Variants in CDC42SE1 observed in about 807,000 individuals in gnomAD.
The protein encoded by CDC42SE1 is CDC42 small effector protein 1.
In CDC42SE1, 10 loss-of-function variants were observed where a neutral mutation model predicts 10.9. The observed-to-expected ratio is 0.92, with a 90% confidence interval of 0.57 to 1.56. The LOEUF (loss-of-function observed/expected upper bound fraction) is 1.56, where lower values mean the gene tolerates loss of function less well. Among genes scored for constraint, CDC42SE1 ranks in the 40% most tolerant of loss-of-function variants. The pLI, the probability that CDC42SE1 is intolerant of heterozygous loss-of-function variation, is 0.00. For missense variants in CDC42SE1, 81 were observed against 100.8 expected (o/e 0.80, Z 0.84); for synonymous variants, 24 against 32.0 (o/e 0.75, Z 0.85).
intron 2 of CDC42SE1, 84 bp downstream of exon 2, chr1:151,055,593 G>T: frequency 8.8e-7 from 1 of 1,137,926 alleles, no homozygotes; most frequent in Non-Finnish European, 1.3e-6. Flanking sequence ...TTTTTTAGAT[G>T]GCAGATCCTA....
In CDC42SE1 at chr1:151,055,981, C is replaced by G; in HGVS notation, c.-251G>C. The stretch of plus-strand genomic sequence containing the variant: ...GGCAGGCACAAGGTTATGTCTTCCT[C>G]AGACTCGGAACCCTGGATTAGAAGA... On this transcript the variant is annotated 5_prime_UTR_variant, in exon 2 of 5. Coordinates refer to ENST00000357235, the MANE Select transcript of CDC42SE1 (RefSeq NM_020239.4). 1 of 552,322 alleles carries G rather than the reference C, an allele frequency of 1.8e-6. No homozygotes were observed. The highest frequency in any genetic ancestry group is 3.2e-6 in the Non-Finnish European group (1 of 307,898). The allele number at this position is 552,322 out of a possible 1,614,324, so 34.2% of individuals were successfully genotyped here.
rs12409269 is a variant in CDC42SE1 at position 151,057,035 on chromosome 1, C to A, written c.-263-1042G>T. On this transcript the variant is annotated intron_variant, in intron 1 of 4. Transcript: ENST00000357235. The surrounding 1 kb of genome is among the most constrained non-coding windows in gnomAD (Gnocchi z 4.0). Reference sequence around the variant, plus strand: ...CAAGGAAGAACTTCCTCCCTTCTCACTACTGCCAGCCAGGGTAGGACACAT... The same window carrying A: ...CAAGGAAGAACTTCCTCCCTTCTCAATACTGCCAGCCAGGGTAGGACACAT... 6.6e-6 allele frequency among the ~76,000 whole-genome samples: 1 copy of A among 152,226 alleles called. No individual in the cohort carries two copies. Among genetic ancestry groups the A allele is most frequent in the Admixed American group, 6.5e-5 (1 of 15,278 alleles).
At chr1:151,056,266 G>A (rs752180801) in intron 1 of CDC42SE1, among the ~76,000 whole-genome samples, 6 of 152,324 alleles carry the variant, frequency 3.9e-5, no homozygotes, top group East Asian at 1.9e-4. Context: ...GAGGATGGGC[G>A]AGGACCAAAG....
intron 3 of CDC42SE1, 129 bp downstream of exon 3, chr1:151,054,887 C>T (rs1406444821): frequency 4.5e-6 from 3 of 673,594 alleles, no homozygotes; most frequent in Non-Finnish European, 2.6e-6. Context: ...CAACTGGTGA[C>T]CAGGACTAGA....
rs1676313651 is a variant in CDC42SE1 at position 151,057,798 on chromosome 1, C to T, written c.-264+1681G>A. The stretch of plus-strand genomic sequence containing the variant: ...AGATCACACAAACACTCAAATGTAG[C>T]TTCTAGGGGAGGGGAGAACCCAGGA... On this transcript the variant is annotated intron_variant, in intron 1 of 4. Coordinates refer to ENST00000357235, the MANE Select transcript of CDC42SE1 (RefSeq NM_020239.4). This position sits in a 1 kb window ranked among gnomAD's most constrained non-coding sequence, Gnocchi z 4.0. 1 of 150,888 alleles carries T rather than the reference C, an allele frequency of 6.6e-6. No homozygotes were observed. Among genetic ancestry groups the T allele is most frequent in the South Asian group, 2.1e-4 (1 of 4,798 alleles). The allele number at this position is 150,888 out of a possible 1,614,324, so 9.3% of individuals were successfully genotyped here.
At chr1:151,055,399 AAAT>A in intron 2 of CDC42SE1, 1 of 597,706 alleles carries the variant, frequency 1.7e-6, no homozygotes, top group Non-Finnish European at 3.0e-6. Context: ...ACTGATGATG[AAAT>A]AATGGGGAAA....
At position 151,052,610 on chromosome 1, in the gene CDC42SE1, C is replaced by G. The variant is rs1676203646; in HGVS notation, c.*734G>C. ...CTCTTATTCGGTGGGAAACAAGGTT[C>G]CTAATAGGGATAGAGTTAAGGGCGG... On this transcript the variant is annotated 3_prime_UTR_variant, in exon 5 of 5. Coordinates refer to ENST00000357235, the MANE Select transcript of CDC42SE1 (RefSeq NM_020239.4). 6.6e-6 allele frequency: 1 copy of G among 152,478 alleles called. No individual in the cohort carries two copies. Among genetic ancestry groups the G allele is most frequent in the Non-Finnish European group, 1.5e-5 (1 of 68,026 alleles). 9.4% of individuals were successfully genotyped at this position (152,478 alleles called of 1,614,324 possible). A position where few individuals can be genotyped will look rare whatever the true frequency, so the allele number is the denominator to read the frequency against.
chr1:151,055,050 G>T lies in CDC42SE1; in HGVS notation c.131C>A (p.Ser44Ter). Residue 44 changes from serine to a stop codon, truncating the protein, a stop_gained, in exon 3 of 5, where the codon TCA becomes TAA. Transcript: ENST00000357235. LOFTEE classifies it high-confidence loss of function. Reference protein sequence around the residue: ...MNFVHLTHIGSGEMGAGDGLA... With the variant: ...MNFVHLTHIG ...TCCATCTCCGGCCCCCATCTCCCCT[G>T]AGCCAATGTGAGTCAGGTGAACAAA... The T allele has an allele frequency of 4.3e-6, 7 of 1,613,774 alleles. No homozygotes were observed. The highest frequency in any genetic ancestry group is 5.9e-6 in the Non-Finnish European group (7 of 1,179,940).
chr1:151,054,745 T>C (rs1676247626), intron 3 of CDC42SE1, among the ~76,000 whole-genome samples: 2 of 152,166 alleles, frequency 1.3e-5, no homozygotes, highest in Non-Finnish European at 1.5e-5. Flanking sequence ...GGGAGAGTTA[T>C]AAGTTTTTGG....
At chr1:151,056,615 C>T (rs1029083046) in intron 1 of CDC42SE1, 1 of 89,678 alleles carries the variant, frequency 1.1e-5, no homozygotes, top group African/African-American at 3.9e-5. Context: ...AATCCAATCC[C>T]TCCCAGAAGC....
rs1020199179 is a variant in CDC42SE1 at position 151,053,092 on chromosome 1, G to C, written c.*252C>G. The C allele has an allele frequency of 6.5e-6, 1 of 152,720 alleles. No individual in the cohort carries two copies. Among genetic ancestry groups the C allele is most frequent in the African/African-American group, 2.4e-5 (1 of 41,430 alleles). 9.5% of individuals were successfully genotyped at this position (152,720 alleles called of 1,614,324 possible). On this transcript the variant is annotated 3_prime_UTR_variant, in exon 5 of 5. Transcript: ENST00000357235. ...AGACCTGAGGGTTTCCAGGGCTTCA[G>C]CTGAGCTCCTCTGGCTAACCAGTAG...
At chr1:151,056,476 G>A (rs2102976406) in intron 1 of CDC42SE1, among the ~76,000 whole-genome samples, 1 of 152,290 alleles carries the variant, frequency 6.6e-6, no homozygotes, top group Non-Finnish European at 1.5e-5. Context: ...TTTAAGAACA[G>A]GAGAGCCCTG....
At chr1:151,055,313 A>G in intron 2 of CDC42SE1, 187 bp from the exon 3 acceptor site, 1 of 606,340 alleles carries the variant, frequency 1.6e-6, no homozygotes, top group South Asian at 2.0e-5. Context: ...CACAGAAGAC[A>G]TGAACCAGAG....
At position 151,051,818 on chromosome 1, in the gene CDC42SE1, G is replaced by C. The variant is rs1676188310; in HGVS notation, c.*1526C>G. ...TTAAAATTTGGGGAGGATAAGGAGT[G>C]TATCTACTGCTTCTCTCTCCCCTTT... On this transcript the variant is annotated 3_prime_UTR_variant, in exon 5 of 5. Coordinates refer to ENST00000357235, the MANE Select transcript of CDC42SE1 (RefSeq NM_020239.4). 6.6e-6 allele frequency: 1 copy of C among 152,572 alleles called. No homozygotes were observed. The highest frequency in any genetic ancestry group is 6.6e-5 in the Admixed American group (1 of 15,260). 9.5% of individuals were successfully genotyped at this position (152,572 alleles called of 1,614,324 possible).
chr1:151,056,157 T>TA (rs1046633429), intron 1 of CDC42SE1, among the ~76,000 whole-genome samples, 164 bp from the exon 2 acceptor site: 2 of 151,590 alleles, frequency 1.3e-5, no homozygotes, highest in East Asian at 1.9e-4. Context: ...AGTTTGACTC[T>TA]AAAAAAAAGG....
chr1:151,054,542 T>C (rs74956451), intron 3 of CDC42SE1, among the ~76,000 whole-genome samples: 4,003 of 152,294 alleles, frequency 0.026, 77 homozygotes, highest in Non-Finnish European at 0.041. Context: ...TCCCTCACAA[T>C]GGATTCTCCC....
At chr1:151,053,383 C>T (rs991273565) in intron 4 of CDC42SE1, 56 bp from the exon 5 acceptor site, 4 of 152,288 alleles carry the variant, frequency 2.6e-5, no homozygotes, top group African/African-American at 9.6e-5. Flanking sequence ...AAAACCAAGG[C>T]TTTAGGAAGA....
In CDC42SE1 at chr1:151,055,765, G is replaced by C. The variant is rs1043470403; in HGVS notation, c.-35C>G. 4.4e-6 allele frequency: 7 copies of C among 1,577,052 alleles called. No homozygotes were observed. The highest frequency in any genetic ancestry group is 5.2e-6 in the Non-Finnish European group (6 of 1,149,122). On this transcript the variant is annotated 5_prime_UTR_variant, in exon 2 of 5. Coordinates refer to ENST00000357235, the MANE Select transcript of CDC42SE1 (RefSeq NM_020239.4). Reference sequence around the variant, plus strand: ...TGGTTCCAGCTTCACTCCGCTGTCTGAGGCCCCAAAGGGCTCTTTCCCTGG... The same window carrying C: ...TGGTTCCAGCTTCACTCCGCTGTCTCAGGCCCCAAAGGGCTCTTTCCCTGG...
At position 151,055,031 on chromosome 1, in the gene CDC42SE1, T is replaced by A. The variant is rs781771225; in HGVS notation, c.150A>T (p.Gly50=). 1.7e-5 allele frequency: 27 copies of A among 1,613,206 alleles called. No individual in the cohort carries two copies. Among genetic ancestry groups the A allele is most frequent in the Non-Finnish European group, 1.4e-5 (16 of 1,179,470 alleles). ...TCCTTGTTACCATGGCAAGTCCATC[T>A]CCGGCCCCCATCTCCCCTGAGCCAA... ...THIGSGEMGA[G]DGLAMTGAVQ... Residue 50 remains glycine, a synonymous_variant, in exon 3 of 5, where the codon GGA becomes GGT. Coordinates refer to ENST00000357235, the MANE Select transcript of CDC42SE1 (RefSeq NM_020239.4).
Sources: gnomAD v4.1 joint callset for allele counts (sites outside exome capture counted in the v4.1 genomes callset) on GRCh38, gnomAD v4.1.1 for gene constraint, Gnocchi (gnomAD v3.1) non-coding constraint, MANE v1.5 for transcripts, NCBI Gene and HGNC (gene_info 2026-07-23, HGNC 2026-07-21) for gene names.